The following RABGAP1L variants were observed in gnomAD, a reference collection of about 807,000 sequenced individuals.
RABGAP1L encodes rab GTPase-activating protein 1-like.
RABGAP1L carries 63 observed loss-of-function variants against 137.7 expected under a neutral mutation model. The observed-to-expected ratio is 0.46, with a 90% confidence interval of 0.37 to 0.56. The LOEUF (loss-of-function observed/expected upper bound fraction) is 0.56, where lower values mean the gene tolerates loss of function less well. Among genes scored for constraint, RABGAP1L ranks in the 20% least tolerant of loss-of-function variants. The pLI is 0.00. For missense variants in RABGAP1L, 1,095 were observed against 1,244.0 expected (o/e 0.88, Z 1.80); for synonymous variants, 431 against 433.7 (o/e 0.99, Z 0.08).
chr1:174,327,984 C>CATATATATATATGTATATATAT (rs1314813386), intron 11 of RABGAP1L, among the ~76,000 whole-genome samples: 1 of 37,876 alleles, frequency 2.6e-5, no homozygotes, highest in African/African-American at 1.1e-4. Context: ...TATATACACA[C>CATATATATATATGTATATATAT]ACATATATAT....
At chr1:174,616,312 G>T (rs1048333155) in intron 13 of RABGAP1L, among the ~76,000 whole-genome samples, 1 of 152,266 alleles carries the variant, frequency 6.6e-6, no homozygotes, top group Admixed American at 6.5e-5. Flanking sequence ...CAAATTATTA[G>T]CTTTTGCTAC....
chr1:174,915,862 T>C (rs1024403354), intron 19 of RABGAP1L, among the ~76,000 whole-genome samples: 30 of 152,176 alleles, frequency 2.0e-4, no homozygotes, highest in African/African-American at 6.8e-4. Context: ...TAAATATTTT[T>C]TCCCAATCTG....
chr1:174,606,440 C>T (rs757603281), intron 13 of RABGAP1L, among the ~76,000 whole-genome samples: 1 of 152,146 alleles, frequency 6.6e-6, no homozygotes. Context: ...AGGCATACCA[C>T]GGGTTTATTT....
chr1:174,603,211 C>G (rs755058190), intron 13 of RABGAP1L, among the ~76,000 whole-genome samples: 20 of 152,162 alleles, frequency 1.3e-4, no homozygotes, highest in South Asian at 2.1e-4. Flanking sequence ...GCAGACTTGT[C>G]AAGATCACCT....
chr1:174,906,241 A>G (rs1442836114), intron 19 of RABGAP1L, among the ~76,000 whole-genome samples: 1 of 151,596 alleles, frequency 6.6e-6, no homozygotes, highest in African/African-American at 2.4e-5. Context: ...CTGGTCTCGA[A>G]CTCCTGACTT....
intron 19 of RABGAP1L, among the ~76,000 whole-genome samples, chr1:174,927,590 G>A (rs1663057803): frequency 6.6e-6 from 1 of 152,102 alleles, no homozygotes; most frequent in Admixed American, 6.6e-5. Context: ...GATCAGACTG[G>A]AGTGCAATGG....
chr1:174,523,769 C>T (rs1663629119), intron 13 of RABGAP1L, among the ~76,000 whole-genome samples: 1 of 152,058 alleles, frequency 6.6e-6, no homozygotes. Context: ...ATTCATTGAC[C>T]TCTCTTCATT....
intron 24 of RABGAP1L, among the ~76,000 whole-genome samples, chr1:174,986,209 A>C (rs1671580337): frequency 1.4e-5 from 2 of 140,076 alleles, no homozygotes; most frequent in African/African-American, 6.8e-5. Context: ...CGGCCTCCCA[A>C]AGTGCTGGGA....
chr1:174,726,357 A>G (rs1287511795), intron 17 of RABGAP1L, among the ~76,000 whole-genome samples: 1 of 151,920 alleles, frequency 6.6e-6, no homozygotes, highest in Non-Finnish European at 1.5e-5. Context: ...TCCTCTCTCC[A>G]CAGCCTCCCA....
chr1:174,177,356 G>A (rs1665972314), intron 1 of RABGAP1L, among the ~76,000 whole-genome samples: 3 of 152,076 alleles, frequency 2.0e-5, no homozygotes, highest in Admixed American at 2.0e-4. Context: ...ATTTGTTTAA[G>A]TTTCTTGTAG....
At chr1:174,759,873 C>G (rs1685086451) in intron 18 of RABGAP1L, among the ~76,000 whole-genome samples, 1 of 152,120 alleles carries the variant, frequency 6.6e-6, no homozygotes, top group African/African-American at 2.4e-5. Context: ...CATGAGGGAT[C>G]TACACTCCCA....
intron 13 of RABGAP1L, among the ~76,000 whole-genome samples, chr1:174,465,406 G>A (rs986514009): frequency 6.6e-6 from 1 of 151,884 alleles, no homozygotes; most frequent in East Asian, 1.9e-4. Context: ...CACCACATTG[G>A]CCAGGCTGGT....
Position 174,847,056 on chromosome 1 carries a change from CTTTT to C in RABGAP1L, c.2340+35100_2340+35103del, listed in dbSNP as rs1161852881. Among the ~76,000 whole-genome samples, 9 of 119,764 alleles carry C rather than the reference CTTTT, an allele frequency of 7.5e-5. 1 individual carries two copies. The allele number at this position is 119,764 out of a possible 152,430, so 78.6% of individuals were successfully genotyped here. A position where few individuals can be genotyped will look rare whatever the true frequency, so the allele number is the denominator to read the frequency against. Reference sequence around the variant, plus strand: ...CAGAGACTAGGATTGCAACCCCTGCCTTTTTTTGTTTTCCATTTGCTTGGTAGAT... The same window carrying C: ...CAGAGACTAGGATTGCAACCCCTGCCTTTGTTTTCCATTTGCTTGGTAGAT... On this transcript the variant is annotated intron_variant, in intron 19 of 25. Transcript: ENST00000681986.
intron 1 of RABGAP1L, among the ~76,000 whole-genome samples, chr1:174,169,676 C>T: frequency 6.6e-6 from 1 of 151,924 alleles, no homozygotes; most frequent in Non-Finnish European, 1.5e-5. Context: ...AAAGACAGAC[C>T]TTTAACAATT....
At chr1:174,952,544 C>T (rs1374250725) in intron 19 of RABGAP1L, among the ~76,000 whole-genome samples, 1 of 151,722 alleles carries the variant, frequency 6.6e-6, no homozygotes, top group African/African-American at 2.4e-5. Flanking sequence ...GTTTGATAAT[C>T]AGGAAACTTA....
chr1:174,820,899 C>G (rs1246189135), intron 19 of RABGAP1L, among the ~76,000 whole-genome samples: 2 of 151,986 alleles, frequency 1.3e-5, no homozygotes, highest in Non-Finnish European at 2.9e-5. Flanking sequence ...TGCCTATAAT[C>G]CTAGCTACTC....
intron 13 of RABGAP1L, among the ~76,000 whole-genome samples, chr1:174,559,201 GTACTA>G (rs1667060651): frequency 6.6e-6 from 1 of 151,914 alleles, no homozygotes; most frequent in African/African-American, 2.4e-5. Flanking sequence ...TTTGAAATAG[GTACTA>G]TATTTTCTAT....
chr1:174,707,906 T>G (rs924597917), intron 17 of RABGAP1L, among the ~76,000 whole-genome samples: 30 of 152,194 alleles, frequency 2.0e-4, no homozygotes, highest in Non-Finnish European at 4.1e-4. Context: ...TCTAAAAGTG[T>G]TTTTTGCTTC....
At chr1:174,673,355 G>A (rs1395347707) in intron 14 of RABGAP1L, among the ~76,000 whole-genome samples, 3 of 152,004 alleles carry the variant, frequency 2.0e-5, no homozygotes, top group Admixed American at 6.5e-5. Context: ...AAAAGTTAAA[G>A]GAGAACAATG....
Sources: allele counts gnomAD v4.1 joint callset (sites outside exome capture counted in the v4.1 genomes callset), GRCh38; gene constraint gnomAD v4.1.1; transcripts MANE v1.5; gene names NCBI Gene and HGNC (gene_info 2026-07-23, HGNC 2026-07-21).